The following MKLN1 variants were observed in gnomAD, a reference collection of about 807,000 sequenced individuals.
The protein encoded by MKLN1 is muskelin 1, also known as muskelin.
In MKLN1, 18 loss-of-function variants were observed where a neutral mutation model predicts 99.0. The ratio of observed to expected loss-of-function variants is 0.18; its 90% confidence interval spans 0.13 to 0.27. The LOEUF is 0.27. Among genes scored for constraint, MKLN1 ranks in the 10% least tolerant of loss-of-function variants. The pLI, the probability that MKLN1 is intolerant of heterozygous loss-of-function variation, is 1.00. For synonymous variants in MKLN1, 288 were observed against 293.2 expected, an observed-to-expected ratio of 0.98 and a Z score of 0.18; for missense variants, 621 against 875.9, an observed-to-expected ratio of 0.71 and a Z score of 3.67.
At chr7:131,221,530 C>T (rs1797059137) in intron 3 of MKLN1, among the ~76,000 whole-genome samples, 1 of 144,438 alleles carries the variant, frequency 6.9e-6, no homozygotes. Context: ...TTTTTAAAGA[C>T]CGAAGTCTGG....
chr7:131,294,487 A>G (rs1798262979), intron 3 of MKLN1, among the ~76,000 whole-genome samples: 1 of 152,244 alleles, frequency 6.6e-6, no homozygotes, highest in Non-Finnish European at 1.5e-5. Context: ...AAATTGGGGA[A>G]AGAACGAGTT....
At chr7:131,365,604 C>G (rs1377034591) in intron 1 of MKLN1, among the ~76,000 whole-genome samples, 1 of 151,930 alleles carries the variant, frequency 6.6e-6, no homozygotes, top group South Asian at 2.1e-4. Context: ...TAATCTATCT[C>G]GAGTTGATTT....
chr7:131,275,567 A>ATATTTTT (rs1336398554), intron 3 of MKLN1, among the ~76,000 whole-genome samples: 4 of 5,616 alleles, frequency 7.1e-4, no homozygotes, highest in Admixed American at 5.5e-3. Context: ...ATATATATAT[A>ATATTTTT]TTTTTTTTTT....
Position 131,183,531 on chromosome 7 carries a change from C to T in MKLN1, c.-296-19326C>T, listed in dbSNP as rs575256020. 8.0e-4 allele frequency among the ~76,000 whole-genome samples: 122 copies of T among 152,166 alleles called. 1 individual carries two copies. Among genetic ancestry groups the T allele is most frequent in the African/African-American group, 2.8e-3 (118 of 41,448 alleles). ...AGATTCTGCTCTAGATGAGAGAATG[C>T]AAGTTTTCGTAATAAAAACAACAGA... On this transcript the variant is annotated intron_variant, in intron 2 of 7. Coordinates refer to the MKLN1 transcript ENST00000416992.
At chr7:131,351,130 C>A (rs1368093655) in intron 1 of MKLN1, among the ~76,000 whole-genome samples, 1 of 152,024 alleles carries the variant, frequency 6.6e-6, no homozygotes, top group Non-Finnish European at 1.5e-5. Flanking sequence ...CACCTGTAGT[C>A]CCAACTACTT....
chr7:131,315,092 G>C (rs1029728635), intron 3 of MKLN1, among the ~76,000 whole-genome samples: 2 of 152,230 alleles, frequency 1.3e-5, no homozygotes, highest in Non-Finnish European at 2.9e-5. Flanking sequence ...GCTGGCTTTT[G>C]ACTATGGAGT....
chr7:131,190,244 A>C (rs986149586), intron 2 of MKLN1, among the ~76,000 whole-genome samples: 1 of 152,088 alleles, frequency 6.6e-6, no homozygotes, highest in Non-Finnish European at 1.5e-5. Flanking sequence ...GAGCAGGGGG[A>C]TGTCACCTCT....
intron 2 of MKLN1, among the ~76,000 whole-genome samples, chr7:131,173,558 A>G (rs1306081658): frequency 6.6e-6 from 1 of 152,214 alleles, no homozygotes; most frequent in African/African-American, 2.4e-5. Flanking sequence ...ATTTCTACTG[A>G]AAATACAAAA....
At chr7:131,242,208 T>C (rs1797414566) in intron 3 of MKLN1, among the ~76,000 whole-genome samples, 1 of 152,234 alleles carries the variant, frequency 6.6e-6, no homozygotes. Context: ...GAAACACTTT[T>C]ACTTTTGGAG....
At chr7:131,179,310 T>A (rs1796344965) in intron 2 of MKLN1, among the ~76,000 whole-genome samples, 1 of 152,132 alleles carries the variant, frequency 6.6e-6, no homozygotes, top group Non-Finnish European at 1.5e-5. Flanking sequence ...TTGATGGAGG[T>A]GCTGTGTGGT....
intron 12 of MKLN1, among the ~76,000 whole-genome samples, chr7:131,449,486 A>C (rs1376345459): frequency 6.6e-6 from 1 of 152,178 alleles, no homozygotes; most frequent in Admixed American, 6.5e-5. Flanking sequence ...TGCATTGTTC[A>C]AAGGCTTGTT....
At chr7:131,283,343 C>CTCTTCCTTCCTTCCTTCCTT (rs1554546593) in intron 3 of MKLN1, among the ~76,000 whole-genome samples, 1 of 74,678 alleles carries the variant, frequency 1.3e-5, no homozygotes, top group Non-Finnish European at 2.4e-5. Context: ...CCCTTCCCTT[C>CTCTTCCTTCCTTCCTTCCTT]CCCTCCTTCC....
At chr7:131,277,359 T>C (rs111796621) in intron 3 of MKLN1, among the ~76,000 whole-genome samples, 3 of 151,998 alleles carry the variant, frequency 2.0e-5, no homozygotes, top group African/African-American at 7.2e-5. Flanking sequence ...TCTTGGCTCA[T>C]TGCAACCTCC....
At chr7:131,472,947 CAAAAAAAAAAAAAA>C (rs34420594) in intron 16 of MKLN1, among the ~76,000 whole-genome samples, 1 of 81,150 alleles carries the variant, frequency 1.2e-5, no homozygotes, top group Non-Finnish European at 2.5e-5. Flanking sequence ...GATTCCATCT[CAAAAAAAAAAAAAA>C]AAAAGAAAAA....
intron 12 of MKLN1, among the ~76,000 whole-genome samples, chr7:131,447,757 A>C (rs1796057006): frequency 6.6e-6 from 1 of 152,220 alleles, no homozygotes; most frequent in Admixed American, 6.5e-5. Context: ...CCCATGGATA[A>C]TAATTACTAC....
At chr7:131,429,909 T>C (rs572538366) in intron 9 of MKLN1, among the ~76,000 whole-genome samples, 43 of 152,248 alleles carry the variant, frequency 2.8e-4, no homozygotes, top group Non-Finnish European at 6.2e-4. Context: ...AAAAATTGTA[T>C]ATATGTATGC....
chr7:131,147,713 T>C (rs931967870), intron 2 of MKLN1, among the ~76,000 whole-genome samples: 2 of 152,184 alleles, frequency 1.3e-5, no homozygotes, highest in Admixed American at 6.5e-5. Context: ...CCACACAGTC[T>C]GACTTTAGCA....
intron 3 of MKLN1, among the ~76,000 whole-genome samples, chr7:131,260,109 G>A (rs975243178): frequency 4.6e-5 from 7 of 151,380 alleles, no homozygotes; most frequent in Non-Finnish European, 1.0e-4. Flanking sequence ...ACAGTGGCAC[G>A]ATCTCAGCTC....
intron 3 of MKLN1, among the ~76,000 whole-genome samples, chr7:131,259,547 A>G (rs1240049385): frequency 1.3e-5 from 2 of 152,196 alleles, no homozygotes; most frequent in Non-Finnish European, 2.9e-5. Flanking sequence ...CCTCTAAAAC[A>G]TAAGCACATT....
Sources: gnomAD v4.1 joint callset for allele counts (sites outside exome capture counted in the v4.1 genomes callset) on GRCh38, gnomAD v4.1.1 for gene constraint, MANE v1.5 for transcripts, NCBI Gene and HGNC (gene_info 2026-07-23, HGNC 2026-07-21) for gene names.